UPK3A: variants seen among roughly 807,000 people sequenced by gnomAD.
UPK3A encodes uroplakin 3A.
UPK3A carries 32 observed loss-of-function variants against 27.6 expected under a neutral mutation model. The ratio of observed to expected loss-of-function variants is 1.16; its 90% CI spans 0.87 to 1.55. UPK3A has a LOEUF of 1.55. Among genes scored for constraint, UPK3A ranks in the 40% most tolerant of loss-of-function variants. The pLI is 0.00. For synonymous variants in UPK3A, 171 were observed against 163.9 expected (o/e 1.04, Z -0.33); for missense variants, 370 against 367.9 (o/e 1.01, Z -0.05).
intron 5 of UPK3A, among the ~76,000 whole-genome samples, chr22:45,294,935 G>A (rs5766625): frequency 0.15 from 21,126 of 145,358 alleles, 1,720 homozygotes; most frequent in East Asian, 0.3. Context: ...CAGCCATCTC[G>A]GCTCACTGCA....
At chr22:45,287,897 C>T (rs1406492781) in intron 3 of UPK3A, among the ~76,000 whole-genome samples, 1 of 152,178 alleles carries the variant, frequency 6.6e-6, no homozygotes, top group Non-Finnish European at 1.5e-5. Flanking sequence ...CTCCTGACCT[C>T]CAGTGATCAG....
In UPK3A at chr22:45,295,601, A is replaced by T. The variant is rs2084189579; in HGVS notation, c.746A>T (p.Gln249Leu). ...GATGGGGAAACGACTCACGACTCCC[A>T]AATCACTCAGGAGGCTGTTCCCAAG... ...SSDGETTHDS[Q>L]ITQEAVPKSL... Residue 249 changes from glutamine to leucine, a missense_variant, in exon 6 of 6, where the codon CAA becomes CTA. Physicochemically the swap from Gln to Leu is moderately radical, Grantham distance 113. Transcript: ENST00000216211. 1 of 1,614,080 alleles carries T rather than the reference A, an allele frequency of 6.2e-7. No individual in the cohort carries two copies. Among genetic ancestry groups the T allele is most frequent in the Non-Finnish European group, 8.5e-7 (1 of 1,180,026 alleles).
intron 3 of UPK3A, among the ~76,000 whole-genome samples, chr22:45,288,746 G>A (rs2084137542): frequency 6.6e-6 from 1 of 152,256 alleles, no homozygotes; most frequent in African/African-American, 2.4e-5. Context: ...TATGCCACGT[G>A]TGTTACATGG....
At position 45,293,280 on chromosome 22, in the gene UPK3A, T is replaced by C. The variant is rs1360838885; in HGVS notation, c.671T>C (p.Val224Ala). 2.5e-6 allele frequency: 4 copies of C among 1,614,044 alleles called. No individual in the cohort carries two copies. Among genetic ancestry groups the C allele is most frequent in the Admixed American group, 1.7e-5 (1 of 60,010 alleles). ...GGCTCCCTGCCCTTCTTTCTACTTG[T>C]GGGTTTTGCTGGCGCCATTGCCCTC... Reference protein sequence around the residue: ...ILGSLPFFLLVGFAGAIALSL... With the variant: ...ILGSLPFFLLAGFAGAIALSL... The change falls in exon 5 of 6, where the codon GTG becomes GCG. Residue 224 changes from valine to alanine, a missense_variant. Coordinates refer to ENST00000216211, the MANE Select transcript of UPK3A (RefSeq NM_006953.4).
chr22:45,288,864 T>TG lies in UPK3A; in HGVS notation c.489-189dup, dbSNP rs555909662. ...TGGCAGCTGATCCAGGGAGGGGTCC[T>TG]GGGGGGGGTCCTATTGGCCAAGCTC... On this transcript the variant is annotated intron_variant, in intron 3 of 5. Coordinates refer to ENST00000216211, the MANE Select transcript of UPK3A (RefSeq NM_006953.4). Among the ~76,000 whole-genome samples the TG allele has an allele frequency of 4.3e-3, 659 of 151,618 alleles. 3 individuals are homozygous for TG. Among genetic ancestry groups the TG allele is most frequent in the Middle Eastern group, 0.024 (7 of 294 alleles).
rs73438602 is a variant in UPK3A, at chr22:45,295,502, A to T, written c.705-58A>T. 8.1e-4 allele frequency: 1,287 copies of T among 1,596,696 alleles called. 4 individuals carry two copies. In the African/African-American group the frequency reaches 0.014, roughly 17 times the overall value. Reference sequence around the variant, plus strand: ...GAGTATGAAGGTCCCCAAGCAGCTAAAGGCATTTGGGTTTGCTCTGGTCCC... The same window carrying T: ...GAGTATGAAGGTCCCCAAGCAGCTATAGGCATTTGGGTTTGCTCTGGTCCC... On this transcript the variant is annotated intron_variant, in intron 5 of 5. Transcript: ENST00000216211.
chr22:45,290,515 T>A (rs976583407), intron 4 of UPK3A, among the ~76,000 whole-genome samples: 5 of 152,080 alleles, frequency 3.3e-5, no homozygotes, highest in African/African-American at 1.2e-4. Flanking sequence ...GGTAACTGTA[T>A]AATGTAGTTT....
At position 45,285,010 on chromosome 22, in the gene UPK3A, G is replaced by A; in HGVS notation, c.-4G>A. On this transcript the variant is annotated 5_prime_UTR_variant, in exon 1 of 6. Coordinates refer to ENST00000216211, the MANE Select transcript of UPK3A (RefSeq NM_006953.4). ...CCCCGCGCTCTGGCGGCTCCTCCCG[G>A]GCGATGCCTCCGCTCTGGGCCCTGC... 1 of 1,531,314 alleles carries A rather than the reference G, an allele frequency of 6.5e-7. No individual in the cohort carries two copies. Among genetic ancestry groups the A allele is most frequent in the Non-Finnish European group, 8.7e-7 (1 of 1,145,572 alleles). The allele number at this position is 1,531,314 out of a possible 1,614,324, so 94.9% of individuals were successfully genotyped here.
chr22:45,290,301 C>A (rs373317150), intron 4 of UPK3A, among the ~76,000 whole-genome samples: 3 of 152,306 alleles, frequency 2.0e-5, no homozygotes, highest in South Asian at 2.1e-4. Context: ...GGCTGTCTGG[C>A]AGGATGAGTG....
In UPK3A at chr22:45,295,725, G is replaced by C; in HGVS notation, c.*6G>C. 1.9e-6 allele frequency: 3 copies of C among 1,613,690 alleles called. No individual in the cohort carries two copies. The highest frequency in any genetic ancestry group is 2.5e-6 in the Non-Finnish European group (3 of 1,179,992). On this transcript the variant is annotated 3_prime_UTR_variant, in exon 6 of 6. Coordinates refer to ENST00000216211, the MANE Select transcript of UPK3A (RefSeq NM_006953.4). ...CCAGCAAGCTCCAAGACTGAGCCCA[G>C]CACCACCCCTGGGCAGCAGCATCCT...
intron 4 of UPK3A, among the ~76,000 whole-genome samples, chr22:45,290,357 T>C (rs527287511): frequency 6.6e-6 from 1 of 152,136 alleles, no homozygotes; most frequent in South Asian, 2.1e-4. Flanking sequence ...GTTGAGCCCA[T>C]GTGCACCCCC....
In UPK3A at chr22:45,295,358, A is replaced by C. The variant is rs533809655; in HGVS notation, c.705-202A>C. Among the ~76,000 whole-genome samples the C allele has an allele frequency of 7.2e-5, 11 of 152,230 alleles. No homozygotes were observed. In the East Asian group the frequency reaches 1.9e-3, roughly 27 times the overall value. On this transcript the variant is annotated intron_variant, in intron 5 of 5. Transcript: ENST00000216211. ...CCAATAAGACCTATAAGTTGTTCAC[A>C]TCATTCCAAAAGGTGGACCTCTTCC...
chr22:45,292,126 C>A (rs747125899), intron 4 of UPK3A, among the ~76,000 whole-genome samples: 3 of 152,306 alleles, frequency 2.0e-5, no homozygotes, highest in East Asian at 1.9e-4. Context: ...CCCCTCACTG[C>A]GGTGTGAGCC....
At position 45,286,049 on chromosome 22, in the gene UPK3A, C is replaced by A; in HGVS notation, c.161C>A (p.Ala54Asp). The stretch of plus-strand genomic sequence containing the variant: ...CTCTGCATGTTTGACAGCAAAGAGG[C>A]CCTCACTGGCACCCACGAGGTCTAC... Reference protein sequence around the residue: ...KPLCMFDSKEALTGTHEVYLY... With the variant: ...KPLCMFDSKEDLTGTHEVYLY... Residue 54 changes from alanine (A) to aspartate (D), a missense_variant, in exon 2 of 6, where the codon GCC becomes GAC. Transcript: ENST00000216211. The A allele has an allele frequency of 6.2e-7, 1 of 1,614,156 alleles. No homozygotes were observed. The highest frequency in any genetic ancestry group is 1.1e-5 in the South Asian group (1 of 91,082).
rs200899354 is a variant in UPK3A, at chr22:45,293,216, C to T, written c.607C>T (p.Arg203Trp). The T allele has an allele frequency of 1.5e-5, 24 of 1,614,056 alleles. No individual in the cohort carries two copies. The highest frequency in any genetic ancestry group is 1.3e-4 in the Admixed American group (8 of 60,012). Reference protein sequence around the residue: ...PYSTIDTWPGRRSGGMIVITS... With the variant: ...PYSTIDTWPGWRSGGMIVITS... Reference sequence around the variant, plus strand: ...CTCGACGATCGACACGTGGCCAGGCCGGCGGAGCGGAGGCATGATCGTCAT... The same window carrying T: ...CTCGACGATCGACACGTGGCCAGGCTGGCGGAGCGGAGGCATGATCGTCAT... Residue 203 changes from arginine (R) to tryptophan (W), a missense_variant, in exon 5 of 6, where the codon CGG becomes TGG. By Grantham distance (101) the Arg-to-Trp change is moderately radical (BLOSUM62 -3). Coordinates refer to ENST00000216211, the MANE Select transcript of UPK3A (RefSeq NM_006953.4).
intron 5 of UPK3A, 28 bp downstream of exon 5, chr22:45,293,341 G>T (rs1194324795): frequency 1.2e-6 from 2 of 1,612,580 alleles, no homozygotes; most frequent in Non-Finnish European, 8.5e-7. Flanking sequence ...GGGAGGGCTG[G>T]ACCCCAGGGA....
At chr22:45,291,708 AGT>A (rs988278817) in intron 4 of UPK3A, among the ~76,000 whole-genome samples, 1 of 126,054 alleles carries the variant, frequency 7.9e-6, no homozygotes, top group East Asian at 2.4e-4. Context: ...TGAGAGTGGC[AGT>A]GTGTGTGAGT....
chr22:45,285,153 G>A lies in UPK3A; in HGVS notation c.52+88G>A, dbSNP rs139707805. The A allele has an allele frequency of 4.8e-4, 603 of 1,257,626 alleles. 6 individuals carry two copies. In the African/African-American group the frequency reaches 8.5e-3, roughly 18 times the overall value. The allele number at this position is 1,257,626 out of a possible 1,614,324, so 77.9% of individuals were successfully genotyped here. On this transcript the variant is annotated intron_variant, in intron 1 of 5. Transcript: ENST00000216211. ...GCCCGCCGCCTGGACCCTGATTCCT[G>A]GCGCTGGGGACCCAGATATTACTGT...
intron 1 of UPK3A, 145 bp downstream of exon 1, chr22:45,285,210 G>T: frequency 1.3e-6 from 1 of 765,922 alleles, no homozygotes; most frequent in Non-Finnish European, 2.0e-6. Context: ...ACGTTTACGG[G>T]CCTCCTCTGT....
Sources: allele counts gnomAD v4.1 joint callset (sites outside exome capture counted in the v4.1 genomes callset), GRCh38; gene constraint gnomAD v4.1.1; transcripts MANE v1.5; gene names NCBI Gene and HGNC (gene_info 2026-07-23, HGNC 2026-07-21).